The following WWOX variants were observed in gnomAD, a reference collection of about 807,000 sequenced individuals.
WWOX encodes the protein WW domain containing oxidoreductase, also known as WW domain-containing oxidoreductase.
Under a neutral mutation model 46.2 loss-of-function variants are expected in WWOX, and 69 were observed. That is an observed-to-expected ratio of 1.49 (90% CI 1.23 to 1.82). WWOX has a LOEUF of 1.82. Among genes scored for constraint, WWOX ranks in the 40% most tolerant of loss-of-function variants. The pLI is 0.00. For synonymous variants in WWOX, 359 were observed against 202.6 expected, an observed-to-expected ratio of 1.77 and a Z score of -6.56; for missense variants, 919 against 542.6, an observed-to-expected ratio of 1.69 and a Z score of -6.89.
intron 4 of WWOX, among the ~76,000 whole-genome samples, chr16:78,116,245 C>T (rs1453098560): frequency 6.6e-6 from 1 of 151,702 alleles, no homozygotes; most frequent in African/African-American, 2.4e-5. Context: ...AGGTCTTATT[C>T]TTTCTTTCTA....
rs114353163 is a variant in WWOX at position 78,752,091 on chromosome 16, T to G, written c.1056+319339T>G. 6.5e-3 allele frequency among the ~76,000 whole-genome samples: 985 copies of G among 152,300 alleles called. 13 individuals are homozygous for G. The highest frequency in any genetic ancestry group is 0.022 in the African/African-American group (932 of 41,560). On this transcript the variant is annotated intron_variant, in intron 8 of 8. Transcript: ENST00000566780. ...TTCTAACATTGGTAAAACTTTGTCT[T>G]TGTTTTAAATAATCAGTCAGTTGTC...
At chr16:78,951,620 A>T (rs75314908) in intron 8 of WWOX, among the ~76,000 whole-genome samples, 4,140 of 152,312 alleles carry the variant, frequency 0.027, 201 homozygotes, top group African/African-American at 0.094. Context: ...TACCCATCCC[A>T]GGAGACAGTG....
At chr16:78,358,185 TCTC>T (rs1402862690) in intron 5 of WWOX, among the ~76,000 whole-genome samples, 6 of 151,966 alleles carry the variant, frequency 3.9e-5, no homozygotes, top group East Asian at 3.9e-4. Context: ...AATCAACAAT[TCTC>T]CTATCGAAAG....
chr16:78,859,102 A>C (rs1041048626), intron 8 of WWOX, among the ~76,000 whole-genome samples: 3 of 142,690 alleles, frequency 2.1e-5, no homozygotes, highest in African/African-American at 7.9e-5. Context: ...TTTCAGTTGC[A>C]CAACTATAAT....
intron 8 of WWOX, among the ~76,000 whole-genome samples, chr16:79,080,048 A>C (rs1343004129): frequency 1.3e-5 from 2 of 152,216 alleles, no homozygotes; most frequent in South Asian, 2.1e-4. Flanking sequence ...ATATAGCAGG[A>C]TATACAAAAC....
chr16:78,117,437 C>T (rs987753123), intron 4 of WWOX, among the ~76,000 whole-genome samples: 1 of 152,118 alleles, frequency 6.6e-6, no homozygotes, highest in African/African-American at 2.4e-5. Context: ...GATTTTTATT[C>T]TGAATTTTTG....
chr16:79,015,191 G>T (rs1474560794), intron 8 of WWOX, among the ~76,000 whole-genome samples: 1 of 152,122 alleles, frequency 6.6e-6, no homozygotes, highest in Non-Finnish European at 1.5e-5. Flanking sequence ...TATGGTCTTA[G>T]GCCCTGGAAT....
At chr16:79,162,872 A>G (rs1479029682) in intron 8 of WWOX, among the ~76,000 whole-genome samples, 1 of 152,192 alleles carries the variant, frequency 6.6e-6, no homozygotes, top group Non-Finnish European at 1.5e-5. Context: ...AGCCAAAGCA[A>G]AGGTGTTGCT....
chr16:78,843,401 C>G (rs1430910787), intron 8 of WWOX, among the ~76,000 whole-genome samples: 3 of 150,004 alleles, frequency 2.0e-5, no homozygotes, highest in Non-Finnish European at 4.5e-5. Flanking sequence ...CTTAACAAAG[C>G]CAATCGCCCA....
At chr16:78,933,236 C>G (rs4887994) in intron 8 of WWOX, among the ~76,000 whole-genome samples, 2 of 152,082 alleles carry the variant, frequency 1.3e-5, no homozygotes, top group Non-Finnish European at 2.9e-5. Flanking sequence ...GTCAGGAGTT[C>G]GAGACCAGCC....
intron 7 of WWOX, among the ~76,000 whole-genome samples, chr16:78,431,432 A>G (rs2083214623): frequency 6.6e-6 from 1 of 152,216 alleles, no homozygotes; most frequent in South Asian, 2.1e-4. Context: ...GGATGCTCAA[A>G]TGAAAATATA....
intron 8 of WWOX, among the ~76,000 whole-genome samples, chr16:78,462,538 A>G (rs139387030): frequency 1.2e-3 from 189 of 152,290 alleles, no homozygotes; most frequent in Non-Finnish European, 2.1e-3. Context: ...GCAATGCCTT[A>G]CCTCTTCAGT....
intron 4 of WWOX, among the ~76,000 whole-genome samples, chr16:78,117,608 C>T (rs1456208947): frequency 6.6e-6 from 1 of 152,132 alleles, no homozygotes; most frequent in Non-Finnish European, 1.5e-5. Flanking sequence ...AGAAAGTGTC[C>T]TTGCCCAAGT....
chr16:78,134,871 G>T (rs1358117368), intron 4 of WWOX, among the ~76,000 whole-genome samples: 1 of 152,166 alleles, frequency 6.6e-6, no homozygotes, highest in African/African-American at 2.4e-5. Context: ...TTGTCATATG[G>T]TGATCCCACT....
At chr16:78,169,475 GATCTCA>G (rs76592451) in intron 5 of WWOX, among the ~76,000 whole-genome samples, 100,493 of 151,514 alleles carry the variant, frequency 0.66, 33,696 homozygotes, top group African/African-American at 0.73. Flanking sequence ...GGACCTCTGA[GATCTCA>G]GGACCTCTGC....
intron 4 of WWOX, chr16:78,129,927 G>A (rs2033521822): frequency 6.6e-6 from 1 of 152,226 alleles, no homozygotes; most frequent in East Asian, 1.9e-4. Flanking sequence ...TAGTTCCCAT[G>A]ATCCCCATGT....
intron 8 of WWOX, among the ~76,000 whole-genome samples, chr16:78,506,099 G>T (rs2085196538): frequency 6.6e-6 from 1 of 152,110 alleles, no homozygotes; most frequent in Non-Finnish European, 1.5e-5. Flanking sequence ...GGCCAGCAGG[G>T]GCTGCCTGGA....
intron 3 of WWOX, 148 bp downstream of exon 3, chr16:78,109,983 C>T (rs1384973969): frequency 1.8e-5 from 15 of 849,826 alleles, no homozygotes; most frequent in East Asian, 2.7e-5. Context: ...CTTTTAACAT[C>T]GCTGGAACTT....
intron 4 of WWOX, among the ~76,000 whole-genome samples, chr16:78,127,814 T>TA (rs1030269329): frequency 1.3e-5 from 2 of 152,162 alleles, no homozygotes; most frequent in Non-Finnish European, 1.5e-5. Context: ...TATTGCCACT[T>TA]AAAAAGGTAG....
Sources: gnomAD v4.1 joint callset for allele counts (sites outside exome capture counted in the v4.1 genomes callset) on GRCh38, gnomAD v4.1.1 for gene constraint, MANE v1.5 for transcripts, NCBI Gene and HGNC (gene_info 2026-07-23, HGNC 2026-07-21) for gene names.